The following EHBP1 variants were observed in gnomAD, a reference collection of about 807,000 sequenced individuals.
EHBP1 encodes the protein EH domain-binding protein 1.
A neutral mutation model predicts 144.0 loss-of-function variants in EHBP1; 55 were observed. That is an observed-to-expected ratio of 0.38 (90% CI 0.31 to 0.48). EHBP1 has a LOEUF of 0.48. Ranked by LOEUF, EHBP1 falls within the 20% of genes least tolerant of loss-of-function variation. The probability of loss-of-function intolerance (pLI) is 0.98; values close to 1 mark genes in which losing one functional copy is unlikely to be tolerated. For missense variants in EHBP1, 1,200 were observed against 1,364.2 expected (o/e 0.88, Z 1.90); for synonymous variants, 469 against 472.7 (o/e 0.99, Z 0.10).
At chr2:62,678,905 T>TAA (rs1300413108) in intron 1 of EHBP1, among the ~76,000 whole-genome samples, 2 of 152,214 alleles carry the variant, frequency 1.3e-5, no homozygotes, top group Non-Finnish European at 2.9e-5. Flanking sequence ...ATTATTATTT[T>TAA]AAATTATTTT....
In EHBP1 at chr2:62,721,230, G is replaced by T. The variant is rs1288862565; in HGVS notation, c.104+13935G>T. Among the ~76,000 whole-genome samples, 4 of 152,182 alleles carry T rather than the reference G, an allele frequency of 2.6e-5. No homozygotes were observed. The South Asian group carries it at 8.3e-4, about 32-fold the overall frequency. On this transcript the variant is annotated intron_variant, in intron 2 of 22. Transcript: ENST00000431489. The stretch of plus-strand genomic sequence containing the variant: ...TTTTGTAGAATGTCCCTCAAATTGG[G>T]TTTGTTTGATGTTTTTTTAGTCATT...
In EHBP1 at chr2:62,948,491, T is replaced by C. The variant is rs1558962718; in HGVS notation, c.1645T>C (p.Phe549Leu). ...AAACAGTTCTGTTGATCAAGAAAAA[T>C]TCTATGCAGAGCTTAGTGATCTGAA... is the stretch of plus-strand genomic sequence containing the variant. The part of the protein sequence containing the change: ...DTNSSVDQEK[F>L]YAELSDLKRE... Residue 549 changes from phenylalanine (F) to leucine (L), a missense_variant, in exon 13 of 23, where the codon TTC (phenylalanine) becomes CTC (leucine). Phe to Leu is a conservative substitution (Grantham distance 22). Coordinates refer to ENST00000431489, the MANE Select transcript of EHBP1 (RefSeq NM_001142616.3). 6.2e-7 allele frequency: 1 copy of C among 1,613,564 alleles called. No individual in the cohort carries two copies. The highest frequency in any genetic ancestry group is 8.5e-7 in the Non-Finnish European group (1 of 1,179,628).
chr2:62,823,938 T>C (rs1207081302), intron 5 of EHBP1, among the ~76,000 whole-genome samples: 1 of 152,036 alleles, frequency 6.6e-6, no homozygotes, highest in Non-Finnish European at 1.5e-5. Context: ...AAAGGGCTCT[T>C]TGCATTGTTC....
At chr2:62,678,078 T>C (rs2033374658) in intron 1 of EHBP1, among the ~76,000 whole-genome samples, 2 of 152,216 alleles carry the variant, frequency 1.3e-5, no homozygotes, top group African/African-American at 4.8e-5. Flanking sequence ...ACAGTGGTTG[T>C]ACTCATTTAT....
intron 10 of EHBP1, among the ~76,000 whole-genome samples, chr2:62,907,250 A>AC (rs1000977821): frequency 6.6e-6 from 1 of 152,188 alleles, no homozygotes; most frequent in Non-Finnish European, 1.5e-5. Flanking sequence ...TTATATTCCC[A>AC]CCAGCAATTT....
chr2:62,786,829 G>A (rs1298687879), intron 5 of EHBP1, among the ~76,000 whole-genome samples: 1 of 152,222 alleles, frequency 6.6e-6, no homozygotes, highest in Non-Finnish European at 1.5e-5. Flanking sequence ...GCTCTGCAGA[G>A]TGGGCAATTT....
At chr2:63,032,332 G>A (rs1294345953) in intron 19 of EHBP1, among the ~76,000 whole-genome samples, 5 of 151,472 alleles carry the variant, frequency 3.3e-5, no homozygotes, top group African/African-American at 1.2e-4. Flanking sequence ...GTTTTGGGAG[G>A]CGCAGGCGGG....
intron 5 of EHBP1, 49 bp from the exon 6 acceptor site, chr2:62,826,038 C>T: frequency 7.5e-7 from 1 of 1,325,960 alleles, no homozygotes; most frequent in South Asian, 2.0e-5. Context: ...AAATGTTTGG[C>T]TATAAAATAA....
chr2:62,722,105 A>G (rs1165705275), intron 2 of EHBP1, among the ~76,000 whole-genome samples: 4 of 151,988 alleles, frequency 2.6e-5, no homozygotes, highest in Non-Finnish European at 5.9e-5. Context: ...CATAAACACT[A>G]GAGTATGTAT....
At chr2:62,720,387 T>C (rs1005093260) in intron 2 of EHBP1, among the ~76,000 whole-genome samples, 3 of 152,198 alleles carry the variant, frequency 2.0e-5, no homozygotes, top group African/African-American at 7.2e-5. Flanking sequence ...TTATTCTGTT[T>C]TACTAGTCTT....
In EHBP1 at chr2:62,993,663, G is replaced by C. The variant is rs779969893; in HGVS notation, c.2867G>C (p.Arg956Thr). Residue 956 changes from arginine to threonine, a missense_variant, in exon 17 of 23, where the codon AGA (arginine) becomes ACA (threonine). By Grantham distance (71) the Arg-to-Thr change is moderately conservative. Around this residue, in one of 6 missense-constraint regions of EHBP1, gnomAD observed 543 missense variants for 513.1 expected, o/e 1.06. Transcript: ENST00000431489. ...LQSFSQYIENRPEMKRQRSIQ... is the reference protein window; with the variant it reads ...LQSFSQYIENTPEMKRQRSIQ... ...TCTTTCAGCCAATATATTGAGAATA[G>C]ACCAGGTAGAACACTTTTTAAAATG... 1.3e-6 allele frequency: 2 copies of C among 1,583,878 alleles called. No individual in the cohort carries two copies. The highest frequency in any genetic ancestry group is 1.7e-5 in the Admixed American group (1 of 58,364).
intron 9 of EHBP1, among the ~76,000 whole-genome samples, chr2:62,873,110 A>G (rs1320226664): frequency 6.6e-6 from 1 of 152,196 alleles, no homozygotes; most frequent in South Asian, 2.1e-4. Flanking sequence ...CTTAGACTAC[A>G]CAGGAATTCC....
intron 7 of EHBP1, among the ~76,000 whole-genome samples, chr2:62,832,416 C>T (rs943859166): frequency 6.7e-6 from 1 of 148,642 alleles, no homozygotes; most frequent in African/African-American, 2.5e-5. Context: ...TATTGCACTT[C>T]ACAGATTTTT....
Position 62,929,337 on chromosome 2 carries a change from T to C in EHBP1, c.1186-13381T>C, listed in dbSNP as rs183406814. On this transcript the variant is annotated intron_variant, in intron 10 of 22. Transcript: ENST00000431489. ...TTGCAAAAAATCCTCAATGTCATAC[T>C]AGCAAACTAAATTCAGCAACATATT... 5.9e-5 allele frequency among the ~76,000 whole-genome samples: 9 copies of C among 152,298 alleles called. No individual in the cohort carries two copies. The East Asian group carries it at 1.5e-3, about 26-fold the overall frequency.
intron 5 of EHBP1, among the ~76,000 whole-genome samples, chr2:62,820,963 A>G (rs1426821348): frequency 2.6e-5 from 4 of 151,172 alleles, no homozygotes; most frequent in Non-Finnish European, 5.9e-5. Flanking sequence ...TGGTGAGTAT[A>G]GGATATTCAT....
At position 62,819,774 on chromosome 2, in the gene EHBP1, A is replaced by C. The variant is rs553097669; in HGVS notation, c.313-6313A>C. On this transcript the variant is annotated intron_variant, in intron 5 of 22. Coordinates refer to ENST00000431489, the MANE Select transcript of EHBP1 (RefSeq NM_001142616.3). ...GCGAGACTCCAGCTCAAAAAAACAAAAAAAAAAAAACCCGCGACAACCCAT... is the reference window on the plus strand; with the variant it reads ...GCGAGACTCCAGCTCAAAAAAACAACAAAAAAAAAACCCGCGACAACCCAT... 1.9e-3 allele frequency among the ~76,000 whole-genome samples: 280 copies of C among 150,914 alleles called. 2 individuals are homozygous for C. Among genetic ancestry groups the C allele is most frequent in the African/African-American group, 5.3e-3 (221 of 41,348 alleles).
chr2:62,686,801 G>A (rs1054122350), intron 1 of EHBP1, among the ~76,000 whole-genome samples: 3 of 152,210 alleles, frequency 2.0e-5, no homozygotes, highest in Non-Finnish European at 4.4e-5. Flanking sequence ...TCGGCCAGCT[G>A]TATTAACAGT....
chr2:62,786,267 C>A (rs2042797237), intron 5 of EHBP1, among the ~76,000 whole-genome samples: 1 of 152,042 alleles, frequency 6.6e-6, no homozygotes, highest in Admixed American at 6.6e-5. Context: ...CTCTCCATTT[C>A]CTCTCTTTCA....
In EHBP1 at chr2:62,948,804, G is replaced by C. The variant is rs777508504; in HGVS notation, c.1958G>C (p.Arg653Thr). Residue 653 changes from arginine to threonine, a missense_variant, in exon 13 of 23, where the codon AGA becomes ACA. Physicochemically the swap from Arg to Thr is moderately conservative, Grantham distance 71. Around this residue, in one of 6 missense-constraint regions of EHBP1, gnomAD observed 543 missense variants for 513.1 expected, o/e 1.06. Transcript: ENST00000431489. ...GCACAGGTTTTGTTAGGCAAAAAGA[G>C]ACTATTGAAAGCTGAGACTTTAGAA... ...TQAQVLLGKK[R>T]LLKAETLELS... 17 of 1,614,034 alleles carry C rather than the reference G, an allele frequency of 1.1e-5. No individual in the cohort carries two copies. The highest frequency in any genetic ancestry group is 1.4e-5 in the Non-Finnish European group (16 of 1,180,010).
Sources: gnomAD v4.1 joint callset for allele counts (sites outside exome capture counted in the v4.1 genomes callset) on GRCh38, gnomAD v4.1.1 for gene constraint, gnomAD v4.1.1 regional missense constraint, MANE v1.5 for transcripts, NCBI Gene and HGNC (gene_info 2026-07-23, HGNC 2026-07-21) for gene names.